The following NLRP5 variants were observed in gnomAD, a reference collection of about 807,000 sequenced individuals.
The protein encoded by NLRP5 is NLR family pyrin domain containing 5.
NLRP5 carries 93 observed loss-of-function variants against 113.1 expected under a neutral mutation model. That is an observed-to-expected ratio of 0.82 (90% CI 0.70 to 0.98). The LOEUF is 0.98. NLRP5 is among the 50% of genes least tolerant of loss of function. The pLI is 0.00. For synonymous variants in NLRP5, 751 were observed against 600.7 expected, an observed-to-expected ratio of 1.25 and a Z score of -3.66; for missense variants, 1,808 against 1,514.3, an observed-to-expected ratio of 1.19 and a Z score of -3.22.
intron 7 of NLRP5, among the ~76,000 whole-genome samples, chr19:56,030,162 G>A (rs1367663403): frequency 6.6e-6 from 1 of 151,736 alleles, no homozygotes; most frequent in Admixed American, 6.6e-5. Context: ...ACTAGGTCAG[G>A]AGTTCGAGAC....
chr19:56,027,563 C>T lies in NLRP5; in HGVS notation c.1330C>T (p.Arg444Cys), dbSNP rs1568491308. The T allele has an allele frequency of 2.5e-6, 4 of 1,613,942 alleles. No homozygotes were observed. Among genetic ancestry groups the T allele is most frequent in the East Asian group, 4.5e-5 (2 of 44,874 alleles). The change falls in exon 7 of 15, where the codon CGC becomes TGC. Residue 444 changes from arginine (R) to cysteine (C), a missense_variant. By Grantham distance (180) the Arg-to-Cys change is radical. Coordinates refer to ENST00000390649, the MANE Select transcript of NLRP5 (RefSeq NM_153447.4). ...ACAAAGAATCCACTTGCTCCTTGAG[C>T]GCGGGATTGGTGAGCATCAGAAGAC...
chr19:56,055,826 T>G lies in NLRP5; in HGVS notation c.3299+2018T>G, dbSNP rs1412732303. 8.5e-5 allele frequency among the ~76,000 whole-genome samples: 13 copies of G among 152,124 alleles called. 1 individual carries two copies. Among genetic ancestry groups the G allele is most frequent in the Admixed American group, 8.5e-4 (13 of 15,272 alleles). ...TCCCAAAGTGCTGGGATTACAGGCA[T>G]AAGCCACCGCGCCTGGCCTGTTTTT... is the stretch of plus-strand genomic sequence containing the variant. On this transcript the variant is annotated intron_variant, in intron 13 of 14. Transcript: ENST00000390649.
At chr19:56,039,424 G>A (rs1252253206) in intron 10 of NLRP5, among the ~76,000 whole-genome samples, 1 of 152,192 alleles carries the variant, frequency 6.6e-6, no homozygotes, top group Non-Finnish European at 1.5e-5. Context: ...TTACCTGGAT[G>A]GCAGTGCTGG....
In NLRP5 at chr19:56,007,696, T is replaced by C. The variant is rs1051121681; in HGVS notation, c.443-1092T>C. 8.6e-5 allele frequency among the ~76,000 whole-genome samples: 13 copies of C among 151,138 alleles called. 1 individual carries two copies. Among genetic ancestry groups the C allele is most frequent in the African/African-American group, 3.2e-4 (13 of 40,514 alleles). ...GTAATAGAAATCATCAAACTTTCCT[T>C]TCAGCACTGTTGCAAAAGTGTTGAG... On this transcript the variant is annotated intron_variant, in intron 2 of 14. Transcript: ENST00000390649.
intron 3 of NLRP5, among the ~76,000 whole-genome samples, chr19:56,010,757 T>TAAAAAAAAAAAAAAAAAAAAAAAA (rs1334394117): frequency 1.4e-4 from 3 of 21,676 alleles, no homozygotes; most frequent in East Asian, 3.1e-3. Context: ...AAAAAAAAAG[T>TAAAAAAAAAAAAAAAAAAAAAAAA]CCCTTGAAAC....
In NLRP5 at chr19:56,008,791, A is replaced by C. The variant is rs566544544; in HGVS notation, c.446A>C (p.His149Pro). ...TCCCTTTTTCTTTGTCTTCCAGGACATTCACCAGAAGATCCTGAAGCAACG... is the reference window on the plus strand; with the variant it reads ...TCCCTTTTTCTTTGTCTTCCAGGACCTTCACCAGAAGATCCTGAAGCAACG... Residue 149 changes from histidine (H) to proline (P), a missense_variant, in exon 3 of 15, where the codon CAT becomes CCT. Coordinates refer to ENST00000390649, the MANE Select transcript of NLRP5 (RefSeq NM_153447.4). 6.1e-5 allele frequency: 98 copies of C among 1,609,278 alleles called. 1 individual carries two copies. Among genetic ancestry groups the C allele is most frequent in the Non-Finnish European group, 8.1e-5 (95 of 1,177,828 alleles).
intron 4 of NLRP5, among the ~76,000 whole-genome samples, chr19:56,016,972 C>A (rs367636253): frequency 1.3e-5 from 2 of 152,258 alleles, no homozygotes; most frequent in South Asian, 4.1e-4. Flanking sequence ...CCATGCCCAG[C>A]TAATTTTTGT....
rs570250002 is a variant in NLRP5, at chr19:56,061,695, G to A, written c.*167G>A. On this transcript the variant is annotated 3_prime_UTR_variant, in exon 15 of 15. Transcript: ENST00000390649. Reference sequence around the variant, plus strand: ...GATTCTTCTGTGTTCACTCTACGTTGGTTACTGGATTTGAAGGCTAGAGAC... The same window carrying A: ...GATTCTTCTGTGTTCACTCTACGTTAGTTACTGGATTTGAAGGCTAGAGAC... 9.0e-5 allele frequency: 67 copies of A among 744,148 alleles called. No individual in the cohort carries two copies. In the East Asian group the frequency reaches 1.7e-3, roughly 19 times the overall value. The allele number at this position is 744,148 out of a possible 1,614,324, so 46.1% of individuals were successfully genotyped here.
upstream of NLRP5, chr19:55,999,615 T>G (rs1352621873): frequency 7.3e-6 from 6 of 816,606 alleles, no homozygotes; most frequent in Non-Finnish European, 1.3e-5. Context: ...GCTCACTTGT[T>G]GCTTCACTGA....
intron 3 of NLRP5, among the ~76,000 whole-genome samples, chr19:56,011,470 A>G (rs1226847378): frequency 6.6e-6 from 1 of 152,132 alleles, no homozygotes; most frequent in Non-Finnish European, 1.5e-5. Context: ...TCAATGGGTG[A>G]ATTGTATGAT....
rs1246207561 is a variant in NLRP5 at position 56,004,147 on chromosome 19, TTC to T, written c.442+55_442+56del. 8 of 1,537,904 alleles carry T rather than the reference TTC, an allele frequency of 5.2e-6. No individual in the cohort carries two copies. In the African/African-American group the frequency reaches 9.6e-5, roughly 19 times the overall value. On this transcript the variant is annotated intron_variant, in intron 2 of 14. Transcript: ENST00000390649. ...GGCAGGGAGGGGAGGTGATTTCAGG[TTC>T]TCATGGGAACAGGGAAGAATCGTTG...
chr19:56,041,542 C>T (rs1009563373), intron 11 of NLRP5, among the ~76,000 whole-genome samples: 8 of 152,138 alleles, frequency 5.3e-5, no homozygotes, highest in Admixed American at 1.3e-4. Flanking sequence ...CCAACGGCAC[C>T]GTGACTCGTG....
chr19:56,007,461 G>C (rs55799707), intron 2 of NLRP5, among the ~76,000 whole-genome samples: 5,474 of 150,666 alleles, frequency 0.036, 163 homozygotes, highest in Admixed American at 0.061. Flanking sequence ...GATAAACAAA[G>C]AAGAGGAGTT....
rs1982060119 is a variant in NLRP5, at chr19:56,008,844, A to G, written c.499A>G (p.Lys167Glu). Residue 167 changes from lysine (K) to glutamate (E), a missense_variant, in exon 3 of 15, where the codon AAA (lysine) becomes GAA (glutamate). Coordinates refer to ENST00000390649, the MANE Select transcript of NLRP5 (RefSeq NM_153447.4). ...GACTGACCAAGGACCAAGCAAGGAA[A>G]AAGTGCCAGGTTAGAGGGGTGGAGT... 1 of 1,612,366 alleles carries G rather than the reference A, an allele frequency of 6.2e-7. No homozygotes were observed. Among genetic ancestry groups the G allele is most frequent in the Non-Finnish European group, 8.5e-7 (1 of 1,179,280 alleles).
At chr19:56,054,673 ATT>A (rs1275461347) in intron 13 of NLRP5, among the ~76,000 whole-genome samples, 2 of 152,108 alleles carry the variant, frequency 1.3e-5, no homozygotes, top group Non-Finnish European at 2.9e-5. Flanking sequence ...CTGGTGTATA[ATT>A]CCATTTGTAT....
intron 7 of NLRP5, among the ~76,000 whole-genome samples, chr19:56,029,670 G>C (rs954975526): frequency 1.4e-4 from 21 of 152,208 alleles, no homozygotes; most frequent in African/African-American, 4.6e-4. Context: ...CTATGACCCA[G>C]AACACAGCAG....
intron 11 of NLRP5, among the ~76,000 whole-genome samples, chr19:56,041,629 C>T (rs1044467417): frequency 2.0e-5 from 3 of 152,086 alleles, no homozygotes; most frequent in African/African-American, 4.8e-5. Context: ...AGCACTTTGG[C>T]GCTATGCTAG....
rs1185555754 is a variant in NLRP5 at position 56,027,839 on chromosome 19, G to A, written c.1606G>A (p.Val536Met). The A allele has an allele frequency of 1.9e-6, 3 of 1,613,882 alleles. No individual in the cohort carries two copies. The highest frequency in any genetic ancestry group is 2.5e-6 in the Non-Finnish European group (3 of 1,179,892). ...CCTGAAGCGCTTCTGCCGTATGGCT[G>A]TGGAGGGAGTGTGGAATAGGAAGTC... is the stretch of plus-strand genomic sequence containing the variant. The change falls in exon 7 of 15, where the codon GTG becomes ATG. Residue 536 changes from valine (V) to methionine (M), a missense_variant. By Grantham distance (21) the Val-to-Met change is conservative. Transcript: ENST00000390649.
intron 10 of NLRP5, among the ~76,000 whole-genome samples, chr19:56,039,246 A>G (rs1297621375): frequency 6.6e-6 from 1 of 152,192 alleles, no homozygotes; most frequent in Non-Finnish European, 1.5e-5. Context: ...GGGCTAATTC[A>G]GCTGAGCCAC....
Sources: allele counts gnomAD v4.1 joint callset (sites outside exome capture counted in the v4.1 genomes callset), GRCh38; gene constraint gnomAD v4.1.1; transcripts MANE v1.5; gene names NCBI Gene and HGNC (gene_info 2026-07-23, HGNC 2026-07-21).